Variants in C5orf52 observed in about 807,000 individuals in gnomAD.
C5orf52 encodes the protein uncharacterized protein C5orf52.
Under a neutral mutation model 16.8 loss-of-function variants are expected in C5orf52, and 15 were observed. The observed-to-expected ratio is 0.89, with a 90% CI of 0.60 to 1.38. The LOEUF is 1.38. C5orf52 is among the 40% of genes most tolerant of loss of function. The pLI is 0.00. For synonymous variants in C5orf52, 83 were observed against 87.2 expected, an observed-to-expected ratio of 0.95 and a Z score of 0.27; for missense variants, 206 against 213.1, an observed-to-expected ratio of 0.97 and a Z score of 0.21.
At position 157,671,603 on chromosome 5, in the gene C5orf52, A is replaced by C; in HGVS notation, c.-12A>C. 1 of 1,542,346 alleles carries C rather than the reference A, an allele frequency of 6.5e-7. No individual in the cohort carries two copies. The highest frequency in any genetic ancestry group is 1.7e-4 in the Middle Eastern group (1 of 5,936). On this transcript the variant is annotated 5_prime_UTR_variant, in exon 1 of 3. Transcript: ENST00000409999. ...ACCAGTTTCCAACTCTTTCTCCAACAGGGAAGCCGCAATGACACAGCCGAC... is the reference window on the plus strand; with the variant it reads ...ACCAGTTTCCAACTCTTTCTCCAACCGGGAAGCCGCAATGACACAGCCGAC...
At chr5:157,674,321 T>TC (rs936638958) in intron 1 of C5orf52, among the ~76,000 whole-genome samples, 3 of 151,584 alleles carry the variant, frequency 2.0e-5, no homozygotes, top group African/African-American at 7.3e-5. Flanking sequence ...ACCCCCCACC[T>TC]CCCAGATCCC....
At chr5:157,673,387 T>A (rs549003099) in intron 1 of C5orf52, among the ~76,000 whole-genome samples, 36 of 152,018 alleles carry the variant, frequency 2.4e-4, no homozygotes, top group Non-Finnish European at 4.9e-4. Context: ...GCAGCATGAT[T>A]GGCTAGGGAC....
In C5orf52 at chr5:157,671,556, C is replaced by G; in HGVS notation, c.-59C>G. On this transcript the variant is annotated 5_prime_UTR_variant, in exon 1 of 3. Coordinates refer to ENST00000409999, the MANE Select transcript of C5orf52 (RefSeq NM_001145132.2). ...TCACTCCGCGTCAGCGCGCGCCCAC[C>G]TAGGTGGGCTGGCAACCAGCCACCA... The G allele has an allele frequency of 6.9e-7, 1 of 1,450,412 alleles. No individual in the cohort carries two copies. The highest frequency in any genetic ancestry group is 9.3e-7 in the Non-Finnish European group (1 of 1,074,088). 89.8% of individuals were successfully genotyped at this position (1,450,412 alleles called of 1,614,324 possible).
At chr5:157,675,043 C>A in intron 1 of C5orf52, 49 bp from the exon 2 acceptor site, 1 of 1,294,546 alleles carries the variant, frequency 7.7e-7, no homozygotes, top group Non-Finnish European at 1.1e-6. Context: ...TGCTCTGGCC[C>A]AGGCCCCAAC....
At chr5:157,672,944 C>G (rs190196446) in intron 1 of C5orf52, among the ~76,000 whole-genome samples, 35 of 152,170 alleles carry the variant, frequency 2.3e-4, no homozygotes, top group African/African-American at 7.0e-4. Context: ...GTGTGAGCCA[C>G]TGCACCCGGC....
intron 1 of C5orf52, among the ~76,000 whole-genome samples, chr5:157,673,844 C>T (rs1255503417): frequency 1.3e-5 from 2 of 152,054 alleles, no homozygotes; most frequent in Non-Finnish European, 2.9e-5. Context: ...GGGGTTTCAC[C>T]ATCTTTGCCA....
intron 1 of C5orf52, among the ~76,000 whole-genome samples, chr5:157,673,205 G>C (rs1006085977): frequency 2.0e-5 from 3 of 151,998 alleles, no homozygotes; most frequent in African/African-American, 7.2e-5. Flanking sequence ...CGGGCATGGT[G>C]GCTGGCCTGT....
rs199592241 is a variant in C5orf52, at chr5:157,679,847, G to A, written c.328G>A (p.Ala110Thr). ...CACCTCTGTTTTTTGTAAGGTGAGC[G>A]CTTTAGAGAAGACCAAGAAAAAGAT... The part of the protein sequence containing the change: ...TQRIYEMEVS[A>T]LEKTKKKISH... The change falls in exon 3 of 3, where the codon GCT (alanine) becomes ACT (threonine). Residue 110 changes from alanine to threonine, a missense_variant. Coordinates refer to ENST00000409999, the MANE Select transcript of C5orf52 (RefSeq NM_001145132.2). 1,125 of 1,548,774 alleles carry A rather than the reference G, an allele frequency of 7.3e-4. 5 individuals are homozygous for A. The highest frequency in any genetic ancestry group is 5.0e-4 in the Middle Eastern group (3 of 6,002).
chr5:157,679,844 A>G lies in C5orf52; in HGVS notation c.325A>G (p.Ser109Gly). The G allele has an allele frequency of 1.3e-6, 2 of 1,546,928 alleles. No homozygotes were observed. ...ITQRIYEMEV[S>G]ALEKTKKKIS... Reference sequence around the variant, plus strand: ...CCTCACCTCTGTTTTTTGTAAGGTGAGCGCTTTAGAGAAGACCAAGAAAAA... The same window carrying G: ...CCTCACCTCTGTTTTTTGTAAGGTGGGCGCTTTAGAGAAGACCAAGAAAAA... Residue 109 changes from serine (S) to glycine (G), a missense_variant, in exon 3 of 3, where the codon AGC (serine) becomes GGC (glycine). Transcript: ENST00000409999.
intron 1 of C5orf52, 35 bp downstream of exon 1, chr5:157,671,861 C>T (rs531714249): frequency 5.1e-6 from 7 of 1,384,718 alleles, no homozygotes; most frequent in Non-Finnish European, 6.8e-6. Flanking sequence ...TCGTCAGACC[C>T]TCGGACCCGC....
At chr5:157,678,200 C>T (rs1411194771) in intron 2 of C5orf52, among the ~76,000 whole-genome samples, 3 of 152,168 alleles carry the variant, frequency 2.0e-5, no homozygotes, top group Non-Finnish European at 1.5e-5. Context: ...TGAACTATGA[C>T]ATTTAGTGCC....
rs1005960353 is a variant in C5orf52, at chr5:157,671,706, C to T, written c.92C>T (p.Ala31Val). 8 of 1,551,322 alleles carry T rather than the reference C, an allele frequency of 5.2e-6. No individual in the cohort carries two copies. Among genetic ancestry groups the T allele is most frequent in the African/African-American group, 2.7e-5 (2 of 73,060 alleles). ...GCCCAGGCGACCACCAGTTCCAGCGCCACCTCGGGTTCGAACTACCAGCGC... is the reference window on the plus strand; with the variant it reads ...GCCCAGGCGACCACCAGTTCCAGCGTCACCTCGGGTTCGAACTACCAGCGC... ...TAAQATTSSS[A>V]TSGSNYQRDR... Residue 31 changes from alanine (A) to valine (V), a missense_variant, in exon 1 of 3, where the codon GCC (alanine) becomes GTC (valine). By Grantham distance (64) the Ala-to-Val change is moderately conservative. Coordinates refer to ENST00000409999, the MANE Select transcript of C5orf52 (RefSeq NM_001145132.2).
At chr5:157,673,713 T>A (rs1759840416) in intron 1 of C5orf52, among the ~76,000 whole-genome samples, 1 of 152,050 alleles carries the variant, frequency 6.6e-6, no homozygotes, top group African/African-American at 2.4e-5. Flanking sequence ...AATGGTAAAG[T>A]AGTTCACTGC....
chr5:157,680,098 C>T lies in C5orf52; in HGVS notation c.*99C>T. ...AGTGTGACCCGAGGAGAACTAGTAA[C>T]TACAACCTACACAACTGTAGAACAA... On this transcript the variant is annotated 3_prime_UTR_variant, in exon 3 of 3. Transcript: ENST00000409999. 9.6e-7 allele frequency: 1 copy of T among 1,042,232 alleles called. No homozygotes were observed. Among genetic ancestry groups the T allele is most frequent in the Non-Finnish European group, 1.4e-6 (1 of 722,962 alleles). 64.6% of individuals were successfully genotyped at this position (1,042,232 alleles called of 1,614,324 possible).
At chr5:157,672,387 G>A (rs973222947) in intron 1 of C5orf52, among the ~76,000 whole-genome samples, 7 of 152,120 alleles carry the variant, frequency 4.6e-5, no homozygotes, top group Admixed American at 4.6e-4. Context: ...AGAACTTGAG[G>A]TGGAAAGCAA....
At chr5:157,673,464 A>G (rs1456513892) in intron 1 of C5orf52, among the ~76,000 whole-genome samples, 1 of 152,138 alleles carries the variant, frequency 6.6e-6, no homozygotes, top group Non-Finnish European at 1.5e-5. Context: ...ATATGACAAC[A>G]TACTTATACT....
intron 2 of C5orf52, among the ~76,000 whole-genome samples, chr5:157,678,102 C>A (rs972960678): frequency 6.6e-6 from 1 of 152,202 alleles, no homozygotes; most frequent in Non-Finnish European, 1.5e-5. Context: ...CCATCCAAAC[C>A]CTATTAAGCA....
rs1383223471 is a variant in C5orf52, at chr5:157,680,074, G to C, written c.*75G>C. ...CTGCCCCAGGGTCACGATGACACCA[G>C]TGTGACCCGAGGAGAACTAGTAACT... is the stretch of plus-strand genomic sequence containing the variant. On this transcript the variant is annotated 3_prime_UTR_variant, in exon 3 of 3. Transcript: ENST00000409999. The C allele has an allele frequency of 7.3e-7, 1 of 1,377,854 alleles. No homozygotes were observed. The highest frequency in any genetic ancestry group is 2.5e-5 in the Admixed American group (1 of 39,592). 85.4% of individuals were successfully genotyped at this position (1,377,854 alleles called of 1,614,324 possible).
At position 157,671,840 on chromosome 5, in the gene C5orf52, G is replaced by A. The variant is rs1374171871; in HGVS notation, c.212+14G>A. The stretch of plus-strand genomic sequence containing the variant: ...GGTGCTGTTCAGGTGTGGCCCGCAT[G>A]CCCAGAGCGTTCGTCAGACCCTCGG... On this transcript the variant is annotated intron_variant, in intron 1 of 2. Coordinates refer to ENST00000409999, the MANE Select transcript of C5orf52 (RefSeq NM_001145132.2). 31 of 1,480,610 alleles carry A rather than the reference G, an allele frequency of 2.1e-5. No individual in the cohort carries two copies. The highest frequency in any genetic ancestry group is 2.8e-5 in the Non-Finnish European group (31 of 1,107,564). 91.7% of individuals were successfully genotyped at this position (1,480,610 alleles called of 1,614,324 possible). A position where few individuals can be genotyped will look rare whatever the true frequency, so the allele number is the denominator to read the frequency against.
Sources: allele counts gnomAD v4.1 joint callset (sites outside exome capture counted in the v4.1 genomes callset), GRCh38; gene constraint gnomAD v4.1.1; transcripts MANE v1.5; gene names NCBI Gene and HGNC (gene_info 2026-07-23, HGNC 2026-07-21).